The following CLCN4 variants were observed in gnomAD, a reference collection of about 807,000 sequenced individuals.
The protein encoded by CLCN4 is H(+)/Cl(-) exchange transporter 4.
CLCN4 carries 1 observed loss-of-function variant against 41.7 expected under a neutral mutation model. That is an observed-to-expected ratio of 0.02 (90% CI 0.01 to 0.11). CLCN4 has a LOEUF of 0.11. Among genes scored for constraint, CLCN4 ranks in the 10% least tolerant of loss-of-function variants. The pLI, the probability that CLCN4 is intolerant of heterozygous loss-of-function variation, is 1.00. For missense variants in CLCN4, 287 were observed against 661.0 expected (o/e 0.43, Z 6.20); for synonymous variants, 277 against 285.8 (o/e 0.97, Z 0.31).
At chrX:10,160,702 CA>C (rs1333968745) in intron 2 of CLCN4, among the ~76,000 whole-genome samples, 4 of 111,796 alleles carry the variant, frequency 3.6e-5, no homozygotes, top group Non-Finnish European at 7.5e-5. Flanking sequence ...GAGGCAAACA[CA>C]AATGGCCCGC....
chrX:10,168,800 C>T (rs774374812), intron 2 of CLCN4, among the ~76,000 whole-genome samples: 3 of 110,223 alleles, frequency 2.7e-5, no homozygotes, highest in East Asian at 2.9e-4. Context: ...TCCTGAATAA[C>T]GCCACTGGTT....
rs1394852056 is a variant in CLCN4, at chrX:10,235,147, C to T, written c.*1563C>T. Reference sequence around the variant, plus strand: ...CATCCCGTTGCTATTTCTTTTTCACCGTTTTTACCTTTTGTCCTCTGGCTT... The same window carrying T: ...CATCCCGTTGCTATTTCTTTTTCACTGTTTTTACCTTTTGTCCTCTGGCTT... On this transcript the variant is annotated 3_prime_UTR_variant, in exon 13 of 13. Coordinates refer to ENST00000380833, the MANE Select transcript of CLCN4 (RefSeq NM_001830.4). The T allele has an allele frequency of 3.6e-5, 4 of 112,359 alleles. No homozygotes were observed. The highest frequency in any genetic ancestry group is 7.5e-4 in the South Asian group (2 of 2,663). 9.3% of individuals were successfully genotyped at this position (112,359 alleles called of 1,213,427 possible).
rs773746160 is a variant in CLCN4, at chrX:10,217,370, C to T, written c.1975+3291C>T. On this transcript the variant is annotated intron_variant, in intron 11 of 12. Coordinates refer to ENST00000380833, the MANE Select transcript of CLCN4 (RefSeq NM_001830.4). ...TGCTGACATTTGGGGCTTGATGATT[C>T]TCTGTGCTGGGGCTGTCTTGTGCAC... Among the ~76,000 whole-genome samples the T allele has an allele frequency of 8.0e-5, 9 of 112,133 alleles. No individual in the cohort carries two copies. In the East Asian group the frequency reaches 2.0e-3, roughly 25 times the overall value.
intron 12 of CLCN4, among the ~76,000 whole-genome samples, chrX:10,229,389 AT>A (rs200053156): frequency 0.026 from 2,618 of 102,352 alleles, 85 homozygotes; most frequent in African/African-American, 0.098. Context: ...TTTTTAAAAT[AT>A]ATATATATAT....
At chrX:10,206,610 GC>G in intron 7 of CLCN4, 46 bp downstream of exon 7, 1 of 1,191,377 alleles carries the variant, frequency 8.4e-7, no homozygotes, top group Non-Finnish European at 1.1e-6. Context: ...TCTTCTCAAA[GC>G]CCCCTCCTGC....
chrX:10,172,424 A>G, intron 2 of CLCN4, among the ~76,000 whole-genome samples: 1 of 111,957 alleles, frequency 8.9e-6, no homozygotes, highest in South Asian at 3.7e-4. Flanking sequence ...GTTTTGAGTG[A>G]TATGAGTGGG....
chrX:10,225,114 G>A (rs1218287568), intron 12 of CLCN4, among the ~76,000 whole-genome samples: 1 of 111,946 alleles, frequency 8.9e-6, no homozygotes, highest in Non-Finnish European at 1.9e-5. Context: ...ACTCAGTAAT[G>A]GGATTGCTGG....
At chrX:10,160,665 G>A (rs55740513) in intron 2 of CLCN4, among the ~76,000 whole-genome samples, 5,571 of 111,766 alleles carry the variant, frequency 0.05, 142 homozygotes, top group Middle Eastern at 0.092. Context: ...GAGGACGAGA[G>A]GGTGGTAATG....
At chrX:10,165,642 G>C (rs758885689) in intron 2 of CLCN4, among the ~76,000 whole-genome samples, 1 of 112,323 alleles carries the variant, frequency 8.9e-6, no homozygotes, top group Non-Finnish European at 1.9e-5. Flanking sequence ...TGGGCTGACT[G>C]TGTCCTCCTA....
At chrX:10,199,307 CAT>C (rs1404660372) in intron 6 of CLCN4, among the ~76,000 whole-genome samples, 1 of 112,276 alleles carries the variant, frequency 8.9e-6, no homozygotes, top group Non-Finnish European at 1.9e-5. Context: ...ATCACTGACA[CAT>C]ATGACAAAAA....
At chrX:10,208,764 C>T (rs958496847) in intron 9 of CLCN4, among the ~76,000 whole-genome samples, 174 bp downstream of exon 9, 4 of 111,889 alleles carry the variant, frequency 3.6e-5, no homozygotes, top group Non-Finnish European at 3.8e-5. Flanking sequence ...TTCTAATAAA[C>T]AATAAGCTTA....
At chrX:10,226,649 C>T (rs1924997117) in intron 12 of CLCN4, among the ~76,000 whole-genome samples, 1 of 110,569 alleles carries the variant, frequency 9.0e-6, no homozygotes, top group Non-Finnish European at 1.9e-5. Context: ...AAATAGACTG[C>T]TAGCTAGAGT....
At chrX:10,200,640 T>G (rs1438096740) in intron 6 of CLCN4, among the ~76,000 whole-genome samples, 1 of 112,031 alleles carries the variant, frequency 8.9e-6, no homozygotes, top group East Asian at 2.8e-4. Context: ...GGCATTTTAT[T>G]GGTGATAGCT....
intron 2 of CLCN4, among the ~76,000 whole-genome samples, chrX:10,184,440 C>T (rs1424841968): frequency 8.9e-6 from 1 of 111,853 alleles, no homozygotes; most frequent in Admixed American, 9.5e-5. Context: ...AGGCGATGCT[C>T]TGCCTTCCTG....
At chrX:10,221,181 G>A (rs1924851383) in intron 12 of CLCN4, among the ~76,000 whole-genome samples, 1 of 111,308 alleles carries the variant, frequency 9.0e-6, no homozygotes, top group Non-Finnish European at 1.9e-5. Context: ...CACCCCATGT[G>A]ACACTTGGCT....
chrX:10,193,148 G>A (rs952480956), intron 4 of CLCN4, among the ~76,000 whole-genome samples: 2 of 112,111 alleles, frequency 1.8e-5, no homozygotes, highest in East Asian at 2.8e-4. Flanking sequence ...AGGTCCACAA[G>A]TGTGTGTCAT....
rs749145344 is a variant in CLCN4 at position 10,220,683 on chromosome X, G to C, written c.1998G>C (p.Glu666Asp). The C allele has an allele frequency of 9.9e-6, 12 of 1,209,070 alleles. No homozygotes were observed. The highest frequency in any genetic ancestry group is 1.3e-5 in the Non-Finnish European group (12 of 894,536). ...TAGAGAACGCCAGACAGAGGCAGGA[G>C]GGCATTGTGAGCAATTCCATCATGT... ...LAIKNARQRQ[E>D]GIVSNSIMYF... Residue 666 changes from glutamate (E) to aspartate (D), a missense_variant, in exon 12 of 13, where the codon GAG becomes GAC. Physicochemically the swap from Glu to Asp is conservative, Grantham distance 45. This residue lies in a region of CLCN4 where 71 missense variants were observed against 104.5 expected (regional missense o/e 0.68). Transcript: ENST00000380833.
At chrX:10,176,231 A>G (rs1470202525) in intron 2 of CLCN4, among the ~76,000 whole-genome samples, 2 of 112,419 alleles carry the variant, frequency 1.8e-5, no homozygotes, top group Admixed American at 1.9e-4. Flanking sequence ...TGCCTTGGAC[A>G]GTGGCCTGGC....
At chrX:10,195,834 A>G (rs987878645) in intron 5 of CLCN4, among the ~76,000 whole-genome samples, 19 of 112,250 alleles carry the variant, frequency 1.7e-4, no homozygotes, top group African/African-American at 6.2e-4. Flanking sequence ...TCATTTTTTT[A>G]TGGCCGAATA....
Sources: allele counts gnomAD v4.1 joint callset (sites outside exome capture counted in the v4.1 genomes callset), GRCh38; gene constraint gnomAD v4.1.1; regional missense constraint gnomAD v4.1.1; transcripts MANE v1.5; gene names NCBI Gene and HGNC (gene_info 2026-07-23, HGNC 2026-07-21).